The following RASA3 variants were observed in gnomAD, a reference collection of about 807,000 sequenced individuals.
The protein encoded by RASA3 is RAS p21 protein activator 3, also known as ras GTPase-activating protein 3.
RASA3 carries 73 observed loss-of-function variants against 110.0 expected under a neutral mutation model. The observed-to-expected ratio is 0.66, with a 90% CI of 0.55 to 0.81. The LOEUF (loss-of-function observed/expected upper bound fraction) is 0.81. RASA3 is among the 30% of genes least tolerant of loss of function. The pLI, the probability that RASA3 is intolerant of heterozygous loss-of-function variation, is 0.00. For missense variants in RASA3, 976 were observed against 1,113.2 expected, an observed-to-expected ratio of 0.88 and a Z score of 1.75; for synonymous variants, 500 against 451.4, an observed-to-expected ratio of 1.11 and a Z score of -1.37.
At chr13:114,052,432 C>A (rs1478881001) in intron 2 of RASA3, among the ~76,000 whole-genome samples, 1 of 152,186 alleles carries the variant, frequency 6.6e-6, no homozygotes, top group African/African-American at 2.4e-5. Flanking sequence ...ACGGCCACTG[C>A]CAGAATGACT....
At chr13:114,098,725 T>C (rs1229749225) in intron 1 of RASA3, among the ~76,000 whole-genome samples, 1 of 152,030 alleles carries the variant, frequency 6.6e-6, no homozygotes, top group East Asian at 1.9e-4. Context: ...CCCCGTGGGA[T>C]GTCCCAGACA....
intron 1 of RASA3, among the ~76,000 whole-genome samples, chr13:114,132,176 G>A (rs1019809754): frequency 1.3e-5 from 2 of 152,220 alleles, no homozygotes; most frequent in East Asian, 3.9e-4. Context: ...CGCTACCAGG[G>A]ACCGGGGCCG....
rs139380411 is a variant in RASA3 at position 114,065,998 on chromosome 13, C to T, written c.173+7722G>A. On this transcript the variant is annotated intron_variant, in intron 2 of 23. Coordinates refer to ENST00000334062, the MANE Select transcript of RASA3 (RefSeq NM_007368.4). This position sits in a 1 kb window ranked among gnomAD's most constrained non-coding sequence, Gnocchi z 4.1. ...CCTCACCTCCCCGAGCCTCAGTCTC[C>T]CCATCTGTTCAGGGGCACCGAGGAG... is the stretch of plus-strand genomic sequence containing the variant. Among the ~76,000 whole-genome samples the T allele has an allele frequency of 0.012, 1,840 of 152,156 alleles. 15 individuals carry two copies. Among genetic ancestry groups the T allele is most frequent in the Non-Finnish European group, 0.019 (1,275 of 67,992 alleles).
intron 18 of RASA3, among the ~76,000 whole-genome samples, chr13:114,003,608 G>A (rs1210121202): frequency 1.3e-5 from 2 of 152,192 alleles, no homozygotes; most frequent in African/African-American, 2.4e-5. Flanking sequence ...TCTTTGTTAA[G>A]CTCTATCCTG....
chr13:114,113,003 G>A (rs1056397836), intron 1 of RASA3, among the ~76,000 whole-genome samples: 7 of 152,140 alleles, frequency 4.6e-5, no homozygotes, highest in Non-Finnish European at 8.8e-5. Flanking sequence ...AGCAGAGGCC[G>A]ACCAGGACTC....
At chr13:114,040,303 C>T (rs1369763012) in intron 4 of RASA3, among the ~76,000 whole-genome samples, 12 of 149,414 alleles carry the variant, frequency 8.0e-5, no homozygotes, top group East Asian at 2.0e-4. Context: ...GCAGAGACCG[C>T]GCTCACTCCG....
rs897654092 is a variant in RASA3 at position 114,040,895 on chromosome 13, G to A, written c.372+105C>T. The A allele has an allele frequency of 4.7e-6, 5 of 1,074,748 alleles. No homozygotes were observed. In the African/African-American group the frequency reaches 7.8e-5, roughly 17 times the overall value. The allele number at this position is 1,074,748 out of a possible 1,614,324, so 66.6% of individuals were successfully genotyped here. On this transcript the variant is annotated intron_variant, in intron 4 of 23. Coordinates refer to ENST00000334062, the MANE Select transcript of RASA3 (RefSeq NM_007368.4). ...CTGCTCATCGTTATTCCCAGTCAAG[G>A]CCGAAGCCCGATCTACGTCTTTAGC...
intron 1 of RASA3, among the ~76,000 whole-genome samples, chr13:114,102,918 G>A (rs117944441): frequency 0.014 from 2,077 of 149,836 alleles, 129 homozygotes; most frequent in Admixed American, 0.099. Flanking sequence ...AAGGCAACAC[G>A]GGGCCTGAGT....
chr13:114,041,534 G>A (rs545238601), intron 3 of RASA3, among the ~76,000 whole-genome samples: 1 of 152,386 alleles, frequency 6.6e-6, no homozygotes, highest in South Asian at 2.1e-4. Context: ...ACAGCAGGAG[G>A]TGCCTCGGAG....
chr13:114,103,436 G>A (rs898969079), intron 1 of RASA3, among the ~76,000 whole-genome samples: 11 of 152,112 alleles, frequency 7.2e-5, no homozygotes, highest in South Asian at 4.2e-4. Context: ...GCTCCCAGAC[G>A]GGGGACGGGG....
chr13:114,025,412 G>A (rs1418752814), intron 7 of RASA3, among the ~76,000 whole-genome samples: 1 of 152,140 alleles, frequency 6.6e-6, no homozygotes, highest in African/African-American at 2.4e-5. Context: ...GCCTCCTCCA[G>A]GAAGCCCCCA....
At chr13:114,001,407 C>A (rs9590387) in intron 18 of RASA3, among the ~76,000 whole-genome samples, 1 of 141,494 alleles carries the variant, frequency 7.1e-6, no homozygotes, top group Non-Finnish European at 1.6e-5. Context: ...GGGCAGTGGA[C>A]GCTCACACAC....
chr13:113,995,295 G>A (rs1385261625), intron 21 of RASA3, among the ~76,000 whole-genome samples: 3 of 152,260 alleles, frequency 2.0e-5, no homozygotes, highest in African/African-American at 7.2e-5. Flanking sequence ...CTCTCCTGGG[G>A]GATTCTGGGG....
rs1555343906 is a variant in RASA3, at chr13:114,112,099, A to ACGC, written c.55+20335_55+20336insGCG. 6.7e-6 allele frequency among the ~76,000 whole-genome samples: 1 copy of ACGC among 149,176 alleles called. No individual in the cohort carries two copies. Among genetic ancestry groups the ACGC allele is most frequent in the Non-Finnish European group, 1.5e-5 (1 of 67,156 alleles). ...TCCCTGGAAACAGCAGCCCCCAGGC[A>ACGC]CCCCCCCCAGCAACTGGGACAAGGG... On this transcript the variant is annotated intron_variant, in intron 1 of 23. Coordinates refer to ENST00000334062, the MANE Select transcript of RASA3 (RefSeq NM_007368.4). The surrounding 1 kb of genome is among the most constrained non-coding windows in gnomAD (Gnocchi z 4.8).
At chr13:114,020,025 G>C (rs1293041837) in intron 9 of RASA3, among the ~76,000 whole-genome samples, 1 of 28,392 alleles carries the variant, frequency 3.5e-5, no homozygotes, top group Non-Finnish European at 5.6e-5. Context: ...GGCATTAGCA[G>C]CCCTGTCAGG....
intron 1 of RASA3, among the ~76,000 whole-genome samples, chr13:114,120,082 C>T (rs1409338224): frequency 1.1e-4 from 14 of 123,394 alleles, no homozygotes; most frequent in African/African-American, 4.0e-4. Context: ...GGGCCCCTCC[C>T]TCTCTCCAGC....
chr13:114,110,500 G>A (rs2080202324), intron 1 of RASA3, among the ~76,000 whole-genome samples: 1 of 152,118 alleles, frequency 6.6e-6, no homozygotes, highest in African/African-American at 2.4e-5. Flanking sequence ...CATGACCCCT[G>A]GCCCTACACA....
intron 3 of RASA3, among the ~76,000 whole-genome samples, chr13:114,043,190 C>T (rs1052954330): frequency 7.2e-5 from 11 of 152,170 alleles, no homozygotes; most frequent in African/African-American, 1.9e-4. Flanking sequence ...TATGGGACAG[C>T]GCAAGGTCGG....
rs1297569649 is a variant in RASA3 at position 114,060,944 on chromosome 13, CGGAGCCCCCCACAGCCGGCAGAT to C, written c.174-8812_174-8790del. Among the ~76,000 whole-genome samples the C allele has an allele frequency of 1.8e-3, 273 of 150,086 alleles. 3 individuals carry two copies. The East Asian group carries it at 0.032, about 17-fold the overall frequency. ...AGACGGAGCCCCCACAGCCGGCAGA[CGGAGCCCCCCACAGCCGGCAGAT>C]GGAGCCCCCCACAGCCGGCAGACGG... On this transcript the variant is annotated intron_variant, in intron 2 of 23. Transcript: ENST00000334062.
Sources: gnomAD v4.1 joint callset for allele counts (sites outside exome capture counted in the v4.1 genomes callset) on GRCh38, gnomAD v4.1.1 for gene constraint, Gnocchi (gnomAD v3.1) non-coding constraint, MANE v1.5 for transcripts, NCBI Gene and HGNC (gene_info 2026-07-23, HGNC 2026-07-21) for gene names.